PPP1R14C: variants seen among roughly 807,000 people sequenced by gnomAD.
The protein encoded by PPP1R14C is protein phosphatase 1 regulatory inhibitor subunit 14C.
A neutral mutation model predicts 20.4 loss-of-function variants in PPP1R14C; 16 were observed. The observed-to-expected ratio is 0.78, with a 90% CI of 0.53 to 1.19. The LOEUF is 1.19. Among genes scored for constraint, PPP1R14C ranks in the 50% most tolerant of loss-of-function variants. The pLI, the probability that PPP1R14C is intolerant of heterozygous loss-of-function variation, is 0.00. For missense variants in PPP1R14C, 211 were observed against 220.1 expected, an observed-to-expected ratio of 0.96 and a Z score of 0.26; for synonymous variants, 91 against 91.0, an observed-to-expected ratio of 1.00 and a Z score of 0.00.
At chr6:150,156,886 T>G (rs1050855716) in intron 1 of PPP1R14C, among the ~76,000 whole-genome samples, 2 of 152,240 alleles carry the variant, frequency 1.3e-5, no homozygotes, top group Non-Finnish European at 2.9e-5. Flanking sequence ...CATGGAGAGA[T>G]ATTTAGATAA....
intron 1 of PPP1R14C, among the ~76,000 whole-genome samples, chr6:150,200,178 A>G (rs1777858621): frequency 6.6e-6 from 1 of 151,938 alleles, no homozygotes; most frequent in Non-Finnish European, 1.5e-5. Flanking sequence ...TAGGATATAT[A>G]TATATACACA....
At chr6:150,156,561 T>C (rs1213458228) in intron 1 of PPP1R14C, among the ~76,000 whole-genome samples, 1 of 152,208 alleles carries the variant, frequency 6.6e-6, no homozygotes, top group Non-Finnish European at 1.5e-5. Context: ...AGTTTTCAGA[T>C]TGGCAGAGAT....
At chr6:150,198,611 G>A (rs759800628) in intron 1 of PPP1R14C, among the ~76,000 whole-genome samples, 2 of 152,248 alleles carry the variant, frequency 1.3e-5, no homozygotes, top group African/African-American at 4.8e-5. Context: ...GTGCCAGCAG[G>A]TGCTGAGAAA....
intron 3 of PPP1R14C, among the ~76,000 whole-genome samples, chr6:150,218,199 C>G (rs1037343100): frequency 1.3e-5 from 2 of 151,958 alleles, no homozygotes; most frequent in Non-Finnish European, 2.9e-5. Context: ...GTCAGGAGAT[C>G]GAGGCCATCC....
intron 3 of PPP1R14C, among the ~76,000 whole-genome samples, chr6:150,217,325 A>G (rs1163655740): frequency 2.0e-5 from 3 of 151,290 alleles, no homozygotes; most frequent in Non-Finnish European, 4.4e-5. Flanking sequence ...CCTCCTGAGT[A>G]GCTGGGATTA....
chr6:150,161,720 T>C (rs893618316), intron 1 of PPP1R14C, among the ~76,000 whole-genome samples: 3 of 152,244 alleles, frequency 2.0e-5, no homozygotes, highest in Non-Finnish European at 4.4e-5. Flanking sequence ...TCCTTTTACA[T>C]TTGATTTTAA....
intron 1 of PPP1R14C, among the ~76,000 whole-genome samples, chr6:150,161,269 G>A (rs1010008668): frequency 2.1e-4 from 15 of 70,070 alleles, no homozygotes; most frequent in African/African-American, 9.5e-4. Flanking sequence ...GACAGAGCAA[G>A]ACTGTTTAAA....
intron 1 of PPP1R14C, among the ~76,000 whole-genome samples, chr6:150,179,261 AGGTGT>A (rs1777594722): frequency 1.3e-5 from 2 of 152,090 alleles, no homozygotes; most frequent in South Asian, 4.1e-4. Flanking sequence ...AAAATTTGCC[AGGTGT>A]GGTGGTGCTA....
intron 3 of PPP1R14C, among the ~76,000 whole-genome samples, chr6:150,232,180 AT>A (rs369598175): frequency 7.4e-5 from 9 of 121,330 alleles, no homozygotes; most frequent in Non-Finnish European, 7.3e-5. Context: ...AGGTTGAGAC[AT>A]TTTTTTTTTC....
At chr6:150,229,875 C>T (rs895476531) in intron 3 of PPP1R14C, among the ~76,000 whole-genome samples, 12 of 152,068 alleles carry the variant, frequency 7.9e-5, no homozygotes, top group Non-Finnish European at 1.8e-4. Flanking sequence ...ACAACCCCTG[C>T]CCCCCAAAAA....
intron 1 of PPP1R14C, among the ~76,000 whole-genome samples, chr6:150,158,575 A>G (rs1777330570): frequency 6.6e-6 from 1 of 152,244 alleles, no homozygotes. Flanking sequence ...CCTAGAAAAG[A>G]GATTTGGATG....
intron 3 of PPP1R14C, among the ~76,000 whole-genome samples, chr6:150,236,177 G>A (rs1327646009): frequency 1.3e-5 from 2 of 151,990 alleles, no homozygotes; most frequent in Admixed American, 6.6e-5. Context: ...CAGACAAACC[G>A]CTAAACCCTT....
At chr6:150,152,895 T>G (rs949796363) in intron 1 of PPP1R14C, among the ~76,000 whole-genome samples, 4 of 152,106 alleles carry the variant, frequency 2.6e-5, no homozygotes, top group Non-Finnish European at 5.9e-5. Context: ...GTGATGGTAT[T>G]TGGAGGGAGG....
chr6:150,179,967 C>T (rs9479861), intron 1 of PPP1R14C, among the ~76,000 whole-genome samples: 82,495 of 151,984 alleles, frequency 0.54, 22,644 homozygotes, highest in South Asian at 0.63. Context: ...TTTGGGAGGC[C>T]GAGGGGGATA....
intron 1 of PPP1R14C, among the ~76,000 whole-genome samples, chr6:150,181,649 G>A (rs1325820073): frequency 3.3e-5 from 5 of 152,118 alleles, no homozygotes; most frequent in South Asian, 2.1e-4. Flanking sequence ...TCAGCTCTGC[G>A]CTTAGCCTTC....
intron 3 of PPP1R14C, among the ~76,000 whole-genome samples, chr6:150,237,770 A>G (rs1481046385): frequency 2.6e-5 from 4 of 152,164 alleles, no homozygotes; most frequent in African/African-American, 9.7e-5. Flanking sequence ...AGTGGTGCAG[A>G]AGGATTTGAA....
chr6:150,248,647 C>A, intron 3 of PPP1R14C, 99 bp from the exon 4 acceptor site: 1 of 750,754 alleles, frequency 1.3e-6, no homozygotes, highest in Non-Finnish European at 2.3e-6. Flanking sequence ...AATTCATCAA[C>A]TAAGGTTAAC....
At chr6:150,156,171 A>G (rs889618125) in intron 1 of PPP1R14C, among the ~76,000 whole-genome samples, 5 of 151,704 alleles carry the variant, frequency 3.3e-5, no homozygotes, top group African/African-American at 1.2e-4. Context: ...GAGTCCTTGC[A>G]CTCTTGGTCT....
intron 3 of PPP1R14C, among the ~76,000 whole-genome samples, chr6:150,218,382 G>C (rs1243633648): frequency 1.3e-5 from 2 of 150,788 alleles, no homozygotes; most frequent in African/African-American, 4.9e-5. Flanking sequence ...CAGCCTGGGC[G>C]ACAGAGCGAG....
Sources: allele counts gnomAD v4.1 joint callset (sites outside exome capture counted in the v4.1 genomes callset), GRCh38; gene constraint gnomAD v4.1.1; transcripts MANE v1.5; gene names NCBI Gene and HGNC (gene_info 2026-07-23, HGNC 2026-07-21).